The following PDE1C variants were observed in gnomAD, a reference collection of about 807,000 sequenced individuals.
PDE1C encodes the protein dual specificity calcium/calmodulin-dependent 3',5'-cyclic nucleotide phosphodiesterase 1C.
Under a neutral mutation model 93.1 loss-of-function variants are expected in PDE1C, and 62 were observed. The ratio of observed to expected loss-of-function variants is 0.67; its 90% CI spans 0.54 to 0.82. The LOEUF is 0.82. PDE1C is among the 40% of genes least tolerant of loss of function. The pLI is 0.00. For synonymous variants in PDE1C, 325 were observed against 310.1 expected, an observed-to-expected ratio of 1.05 and a Z score of -0.50; for missense variants, 742 against 884.6, an observed-to-expected ratio of 0.84 and a Z score of 2.04.
intron 16 of PDE1C, among the ~76,000 whole-genome samples, chr7:31,800,824 G>C (rs921728998): frequency 4.0e-5 from 6 of 151,186 alleles, no homozygotes; most frequent in Admixed American, 2.0e-4. Context: ...AGATCAACAT[G>C]GGAAGAATTT....
Position 32,033,769 on chromosome 7 carries a change from A to G in PDE1C, c.128+17785T>C, listed in dbSNP as rs547305411. 5.9e-5 allele frequency among the ~76,000 whole-genome samples: 9 copies of G among 152,306 alleles called. No homozygotes were observed. The East Asian group carries it at 1.7e-3, about 29-fold the overall frequency. ...AAAACCCAAAGACCCCTGGAAGGAT[A>G]TTGAGTTATCTCCAGAAAACAAAAA... On this transcript the variant is annotated intron_variant, in intron 2 of 17. Coordinates refer to ENST00000396191, the MANE Select transcript of PDE1C (RefSeq NM_001191057.4).
Position 31,925,947 on chromosome 7 carries a change from A to G in PDE1C, c.129-45087T>C, listed in dbSNP as rs1013425684. Among the ~76,000 whole-genome samples, 3 of 152,060 alleles carry G rather than the reference A, an allele frequency of 2.0e-5. No individual in the cohort carries two copies. In the South Asian group the frequency reaches 6.2e-4, roughly 32 times the overall value. ...CCATGTATGCATATGTGCACACTCC[A>G]TGTCCCGTTTTTAATCCCTTTCTCT... On this transcript the variant is annotated intron_variant, in intron 2 of 17. Coordinates refer to ENST00000396191, the MANE Select transcript of PDE1C (RefSeq NM_001191057.4).
chr7:31,681,389 AT>A, the PDE1C span, among the ~76,000 whole-genome samples: 113,062 of 151,304 alleles, frequency 0.75, 42,196 homozygotes, highest in East Asian at 0.84. Flanking sequence ...GGATGGATGG[AT>A]GGATGGATGG....
At chr7:32,124,240 G>C (rs32301) in intron 3 of PDE1C, among the ~76,000 whole-genome samples, 50,438 of 152,096 alleles carry the variant, frequency 0.33, 9,007 homozygotes, top group South Asian at 0.41. Context: ...CATCCTCATG[G>C]GTAGGAAGAA....
the PDE1C span, among the ~76,000 whole-genome samples, chr7:31,742,106 A>T: frequency 1.3e-5 from 2 of 152,250 alleles, no homozygotes; most frequent in African/African-American, 4.8e-5. Flanking sequence ...ATTCTAGATC[A>T]GGAATAAAGG....
intron 1 of PDE1C, among the ~76,000 whole-genome samples, chr7:32,255,714 G>C (rs1023333841): frequency 6.6e-6 from 1 of 152,136 alleles, no homozygotes; most frequent in Non-Finnish European, 1.5e-5. Context: ...AGAAGGAAGA[G>C]AAAGGACACC....
chr7:31,865,055 C>G lies in PDE1C; in HGVS notation c.637G>C (p.Val213Leu). 1.2e-6 allele frequency: 2 copies of G among 1,614,082 alleles called. No individual in the cohort carries two copies. Among genetic ancestry groups the G allele is most frequent in the Non-Finnish European group, 1.7e-6 (2 of 1,179,982 alleles). Residue 213 changes from valine (V) to leucine (L), a missense_variant, in exon 7 of 18, where the codon GTG becomes CTG. Val to Leu is a conservative substitution (Grantham distance 32). This residue lies in a region of PDE1C where 205 missense variants were observed against 295.3 expected (regional missense o/e 0.69). Coordinates refer to ENST00000396191, the MANE Select transcript of PDE1C (RefSeq NM_001191057.4). ...KIPISALVSF[V>L]EALEVGYSKH... ...CTGTATCCCACTTCCAGGGCCTCCACAAATGAGACAAGTGCAGAAATGGGG... is the reference window on the plus strand; with the variant it reads ...CTGTATCCCACTTCCAGGGCCTCCAGAAATGAGACAAGTGCAGAAATGGGG...
At chr7:32,336,158 G>T (rs1434827817) in intron 1 of PDE1C, among the ~76,000 whole-genome samples, 1 of 152,198 alleles carries the variant, frequency 6.6e-6, no homozygotes, top group Non-Finnish European at 1.5e-5. Flanking sequence ...AGAGGCAAGA[G>T]AGTCTAATTA....
At chr7:31,864,809 A>C in intron 7 of PDE1C, 133 bp downstream of exon 7, 4 of 825,896 alleles carry the variant, frequency 4.8e-6, no homozygotes, top group Non-Finnish European at 7.7e-6. Context: ...TGGTTAGATT[A>C]CTCCTGGGAA....
chr7:32,126,243 A>AGATT (rs1554509312), intron 3 of PDE1C, among the ~76,000 whole-genome samples: 2 of 148,042 alleles, frequency 1.4e-5, no homozygotes, highest in African/African-American at 2.6e-5. Flanking sequence ...ATAGATAGAT[A>AGATT]GATTCATTTA....
the PDE1C span, among the ~76,000 whole-genome samples, chr7:31,623,822 A>G: frequency 4.6e-5 from 7 of 152,186 alleles, no homozygotes; most frequent in Non-Finnish European, 1.0e-4. Context: ...GAAAAGAGCA[A>G]GTCAAATTGT....
chr7:32,300,282 A>T (rs1390350710), upstream of PDE1C, among the ~76,000 whole-genome samples: 2 of 152,236 alleles, frequency 1.3e-5, no homozygotes, highest in African/African-American at 4.8e-5. Flanking sequence ...CACTTCAGTT[A>T]TAAATTCTCT....
chr7:32,327,357 G>A (rs972058705), intron 1 of PDE1C, among the ~76,000 whole-genome samples: 2 of 152,096 alleles, frequency 1.3e-5, no homozygotes, highest in Admixed American at 6.5e-5. Flanking sequence ...TAACCATCAC[G>A]TGGATCAGGA....
intron 1 of PDE1C, among the ~76,000 whole-genome samples, chr7:32,064,126 T>C (rs1300289939): frequency 6.6e-6 from 1 of 152,198 alleles, no homozygotes; most frequent in Non-Finnish European, 1.5e-5. Flanking sequence ...TCTGGTAAGA[T>C]TCAGGTCAAT....
At chr7:32,294,703 C>G (rs1000553186) in intron 1 of PDE1C, among the ~76,000 whole-genome samples, 4 of 152,188 alleles carry the variant, frequency 2.6e-5, no homozygotes, top group African/African-American at 9.7e-5. Flanking sequence ...AATAGACATC[C>G]AAACTCCAGA....
intron 1 of PDE1C, among the ~76,000 whole-genome samples, chr7:32,387,424 G>T (rs1488598217): frequency 6.6e-6 from 1 of 151,308 alleles, no homozygotes; most frequent in Non-Finnish European, 1.5e-5. Flanking sequence ...CCGGGCAGAG[G>T]GGCTCCTCAC....
At chr7:31,697,161 A>G in the PDE1C span, 7 of 1,606,234 alleles carry the variant, frequency 4.4e-6, no homozygotes, top group Non-Finnish European at 5.9e-6. Context: ...TGATGGGGAC[A>G]GGTCAAGAAC....
At chr7:32,118,737 T>C (rs922691024) in intron 3 of PDE1C, among the ~76,000 whole-genome samples, 1 of 152,168 alleles carries the variant, frequency 6.6e-6, no homozygotes, top group African/African-American at 2.4e-5. Context: ...ATTAATCCAT[T>C]CATGAGGGCA....
At chr7:32,267,110 C>T (rs1810631303) in intron 1 of PDE1C, among the ~76,000 whole-genome samples, 1 of 152,212 alleles carries the variant, frequency 6.6e-6, no homozygotes, top group Admixed American at 6.5e-5. Flanking sequence ...GGCGGGGCCT[C>T]GACCCAAAGC....
Sources: allele counts gnomAD v4.1 joint callset (sites outside exome capture counted in the v4.1 genomes callset), GRCh38; gene constraint gnomAD v4.1.1; regional missense constraint gnomAD v4.1.1; transcripts MANE v1.5; gene names NCBI Gene and HGNC (gene_info 2026-07-23, HGNC 2026-07-21).